The following KCTD8 variants were observed in gnomAD, a reference collection of about 807,000 sequenced individuals.
KCTD8 encodes the protein BTB/POZ domain-containing protein KCTD8.
KCTD8 carries 27 observed loss-of-function variants against 31.5 expected under a neutral mutation model. The observed-to-expected ratio is 0.86, with a 90% CI of 0.63 to 1.18. The LOEUF is 1.18. KCTD8 is among the 50% of genes most tolerant of loss of function. The pLI, the probability that KCTD8 is intolerant of heterozygous loss-of-function variation, is 0.00. For missense variants in KCTD8, 658 were observed against 647.7 expected, an observed-to-expected ratio of 1.02 and a Z score of -0.17; for synonymous variants, 290 against 280.0, an observed-to-expected ratio of 1.04 and a Z score of -0.36.
At chr4:44,213,261 T>G (rs1714549057) in intron 1 of KCTD8, among the ~76,000 whole-genome samples, 1 of 152,158 alleles carries the variant, frequency 6.6e-6, no homozygotes, top group Non-Finnish European at 1.5e-5. Flanking sequence ...ACCAAAATTT[T>G]TAATTATATT....
At chr4:44,226,057 G>A (rs1309228260) in intron 1 of KCTD8, among the ~76,000 whole-genome samples, 3 of 151,826 alleles carry the variant, frequency 2.0e-5, no homozygotes, top group African/African-American at 4.8e-5. Flanking sequence ...CTCCATCTCC[G>A]GACCTTGTGA....
At chr4:44,413,200 T>C (rs1411615638) in intron 1 of KCTD8, among the ~76,000 whole-genome samples, 1 of 152,204 alleles carries the variant, frequency 6.6e-6, no homozygotes, top group South Asian at 2.1e-4. Context: ...ATGTACTGTA[T>C]AATTTACTTA....
intron 1 of KCTD8, among the ~76,000 whole-genome samples, chr4:44,195,732 A>G (rs150333358): frequency 0.01 from 1,530 of 152,338 alleles, 22 homozygotes; most frequent in African/African-American, 0.035. Context: ...AACAATTTGA[A>G]AAGTTACTAA....
intron 1 of KCTD8, among the ~76,000 whole-genome samples, chr4:44,233,455 G>A (rs796362345): frequency 3.7e-4 from 56 of 152,200 alleles, no homozygotes; most frequent in African/African-American, 1.3e-3. Context: ...AGTTCCATGG[G>A]GTTTGTTTAC....
chr4:44,209,477 G>T (rs2109342866), intron 1 of KCTD8, among the ~76,000 whole-genome samples: 1 of 151,304 alleles, frequency 6.6e-6, no homozygotes, highest in African/African-American at 2.4e-5. Flanking sequence ...TAGAGATGAA[G>T]GTAGATATAG....
intron 1 of KCTD8, among the ~76,000 whole-genome samples, chr4:44,242,931 C>T (rs1322836099): frequency 6.6e-6 from 1 of 152,104 alleles, no homozygotes; most frequent in African/African-American, 2.4e-5. Flanking sequence ...AAGCAGATGA[C>T]AATGTCATGC....
intron 1 of KCTD8, among the ~76,000 whole-genome samples, chr4:44,214,959 A>G (rs1315729095): frequency 1.3e-5 from 2 of 152,192 alleles, no homozygotes; most frequent in Admixed American, 6.5e-5. Flanking sequence ...TGCAGACTCT[A>G]TATTTGACAA....
chr4:44,236,938 C>T (rs1715307975), intron 1 of KCTD8, among the ~76,000 whole-genome samples: 1 of 152,174 alleles, frequency 6.6e-6, no homozygotes, highest in African/African-American at 2.4e-5. Context: ...CTTTCGTTCT[C>T]TTTTGTCTGC....
chr4:44,185,681 C>T (rs1047105610), intron 1 of KCTD8, among the ~76,000 whole-genome samples: 23 of 152,072 alleles, frequency 1.5e-4, no homozygotes, highest in African/African-American at 5.3e-4. Flanking sequence ...AAGCCTAATC[C>T]GTATGTTGCT....
At chr4:44,198,286 A>G (rs2109338021) in intron 1 of KCTD8, among the ~76,000 whole-genome samples, 1 of 152,292 alleles carries the variant, frequency 6.6e-6, no homozygotes, top group East Asian at 1.9e-4. Context: ...TAAACATGCA[A>G]TTTTAAGAAA....
intron 1 of KCTD8, among the ~76,000 whole-genome samples, chr4:44,331,897 G>A (rs1435016350): frequency 6.6e-6 from 1 of 150,942 alleles, no homozygotes; most frequent in Admixed American, 6.6e-5. Flanking sequence ...GAGAAAGCAA[G>A]AGAGGGCATG....
intron 1 of KCTD8, among the ~76,000 whole-genome samples, chr4:44,210,788 A>G (rs1714465227): frequency 1.3e-5 from 2 of 152,198 alleles, no homozygotes; most frequent in African/African-American, 4.8e-5. Flanking sequence ...GCCTGGAGCC[A>G]GACACTAAGC....
At chr4:44,317,434 T>G (rs1577612610) in intron 1 of KCTD8, among the ~76,000 whole-genome samples, 1 of 146,550 alleles carries the variant, frequency 6.8e-6, no homozygotes, top group South Asian at 2.2e-4. Flanking sequence ...AGAGACGGGG[T>G]TTCACCTTGT....
chr4:44,384,928 C>T lies in KCTD8; in HGVS notation c.961+62635G>A, dbSNP rs185514922. Among the ~76,000 whole-genome samples, 10 of 149,126 alleles carry T rather than the reference C, an allele frequency of 6.7e-5. No homozygotes were observed. In the East Asian group the frequency reaches 2.0e-3, roughly 30 times the overall value. ...ATAAATATGTATTATTATTATGTGT[C>T]AATTAAAAATAATAGCAAGAAAATT... On this transcript the variant is annotated intron_variant, in intron 1 of 1. Coordinates refer to ENST00000360029, the MANE Select transcript of KCTD8 (RefSeq NM_198353.3).
intron 1 of KCTD8, among the ~76,000 whole-genome samples, chr4:44,271,337 T>C (rs1286787331): frequency 6.6e-6 from 1 of 152,156 alleles, no homozygotes; most frequent in African/African-American, 2.4e-5. Context: ...ATATTGAGTA[T>C]GCCAGATAAT....
rs866476015 is a variant in KCTD8, at chr4:44,372,061, C to G, written c.961+75502G>C. On this transcript the variant is annotated intron_variant, in intron 1 of 1. Transcript: ENST00000360029. ...ATATTTCTGAGAAGCAATGCATCTG[C>G]TTTTTCTAATTGAAATAGCATTATT... Among the ~76,000 whole-genome samples, 3 of 152,162 alleles carry G rather than the reference C, an allele frequency of 2.0e-5. No homozygotes were observed. The East Asian group carries it at 5.8e-4, about 29-fold the overall frequency.
chr4:44,309,521 G>A (rs1717892893), intron 1 of KCTD8, among the ~76,000 whole-genome samples: 1 of 152,082 alleles, frequency 6.6e-6, no homozygotes, highest in Non-Finnish European at 1.5e-5. Context: ...TGAAAATCCA[G>A]TAGCCTTTCA....
At chr4:44,281,583 T>A (rs543021795) in intron 1 of KCTD8, among the ~76,000 whole-genome samples, 1 of 152,252 alleles carries the variant, frequency 6.6e-6, no homozygotes, top group East Asian at 1.9e-4. Context: ...GAGTTCCCAA[T>A]TTGTACTTGT....
chr4:44,340,584 C>G (rs1718871665), intron 1 of KCTD8, among the ~76,000 whole-genome samples: 1 of 151,576 alleles, frequency 6.6e-6, no homozygotes, highest in African/African-American at 2.4e-5. Context: ...GCTGGGATTA[C>G]AGGCGTGAGC....
Sources: allele counts gnomAD v4.1 joint callset (sites outside exome capture counted in the v4.1 genomes callset), GRCh38; gene constraint gnomAD v4.1.1; transcripts MANE v1.5; gene names NCBI Gene and HGNC (gene_info 2026-07-23, HGNC 2026-07-21).